The following CERS6 variants were observed in gnomAD, a reference collection of about 807,000 sequenced individuals.
CERS6 encodes ceramide synthase 6, also known as LAG1 homolog, ceramide synthase 6.
In CERS6, 26 loss-of-function variants were observed where a neutral mutation model predicts 56.8. The ratio of observed to expected loss-of-function variants is 0.46; its 90% confidence interval spans 0.34 to 0.63. The LOEUF (loss-of-function observed/expected upper bound fraction) is 0.63, where lower values mean the gene tolerates loss of function less well. Among genes scored for constraint, CERS6 ranks in the 30% least tolerant of loss-of-function variants. The pLI is 0.01. For synonymous variants in CERS6, 164 were observed against 173.3 expected (o/e 0.95, Z 0.42); for missense variants, 415 against 467.5 (o/e 0.89, Z 1.04).
chr2:168,534,590 G>A (rs1695225806), intron 1 of CERS6, among the ~76,000 whole-genome samples: 1 of 152,146 alleles, frequency 6.6e-6, no homozygotes, highest in Non-Finnish European at 1.5e-5. Flanking sequence ...CAGCAAGGAT[G>A]GGTGCCTGCT....
At chr2:168,604,213 T>C (rs1187290453) in intron 3 of CERS6, among the ~76,000 whole-genome samples, 1 of 152,248 alleles carries the variant, frequency 6.6e-6, no homozygotes, top group Admixed American at 6.5e-5. Context: ...CCTGGCTGAC[T>C]TGAAAATTAT....
At chr2:168,600,148 G>T (rs1683897277) in intron 3 of CERS6, among the ~76,000 whole-genome samples, 1 of 150,626 alleles carries the variant, frequency 6.6e-6, no homozygotes, top group Non-Finnish European at 1.5e-5. Context: ...CTGCTTAGTC[G>T]TGGGTAAACT....
chr2:168,467,457 A>G (rs1165702283), intron 1 of CERS6, among the ~76,000 whole-genome samples: 1 of 152,194 alleles, frequency 6.6e-6, no homozygotes, highest in South Asian at 2.1e-4. Flanking sequence ...ACATCTTTGC[A>G]TGGATAGACT....
At chr2:168,570,412 A>G (rs1304599101) in intron 3 of CERS6, among the ~76,000 whole-genome samples, 1 of 152,190 alleles carries the variant, frequency 6.6e-6, no homozygotes, top group East Asian at 1.9e-4. Flanking sequence ...AAATGTCAGA[A>G]TACACAGTGA....
chr2:168,752,915 T>C (rs1438835563), intron 8 of CERS6, among the ~76,000 whole-genome samples: 1 of 152,190 alleles, frequency 6.6e-6, no homozygotes, highest in Non-Finnish European at 1.5e-5. Flanking sequence ...TTTTGCTCGT[T>C]GTTAGGTTAA....
intron 7 of CERS6, 146 bp from the exon 8 acceptor site, chr2:168,717,725 AT>A (rs1486167993): frequency 5.2e-6 from 3 of 579,424 alleles, no homozygotes; most frequent in Non-Finnish European, 9.1e-6. Flanking sequence ...GATGTATGAC[AT>A]TTCAATCGCA....
intron 4 of CERS6, among the ~76,000 whole-genome samples, chr2:168,653,701 T>C (rs1685399823): frequency 6.6e-6 from 1 of 152,240 alleles, no homozygotes. Flanking sequence ...TTGTATGGAC[T>C]GCTGCAGCAG....
At chr2:168,540,204 G>A (rs1404213077) in intron 1 of CERS6, among the ~76,000 whole-genome samples, 2 of 151,672 alleles carry the variant, frequency 1.3e-5, no homozygotes, top group East Asian at 1.9e-4. Context: ...TAACATTTCA[G>A]TTAATTATGG....
chr2:168,494,802 C>G (rs915880637), intron 1 of CERS6, among the ~76,000 whole-genome samples: 3 of 152,122 alleles, frequency 2.0e-5, no homozygotes, highest in African/African-American at 7.2e-5. Context: ...CATTCTCCCC[C>G]TAGTGACCTC....
intron 3 of CERS6, among the ~76,000 whole-genome samples, chr2:168,621,310 T>TAGATCAATA (rs1303668467): frequency 1.3e-5 from 2 of 152,228 alleles, no homozygotes; most frequent in Non-Finnish European, 2.9e-5. Flanking sequence ...CTGAATTTAA[T>TAGATCAATA]TTTGGCCACA....
chr2:168,670,161 C>T (rs1481725814), intron 4 of CERS6, among the ~76,000 whole-genome samples: 1 of 152,132 alleles, frequency 6.6e-6, no homozygotes, highest in African/African-American at 2.4e-5. Context: ...GGATAATCAC[C>T]ATGGCTATCT....
chr2:168,724,954 ACT>A (rs1451670744), intron 8 of CERS6, among the ~76,000 whole-genome samples: 2 of 151,918 alleles, frequency 1.3e-5, no homozygotes, highest in African/African-American at 4.8e-5. Context: ...AGGGGGTGGC[ACT>A]CGTCGTGGAG....
At chr2:168,612,904 G>A (rs1047785768) in intron 3 of CERS6, among the ~76,000 whole-genome samples, 1 of 152,194 alleles carries the variant, frequency 6.6e-6, no homozygotes, top group African/African-American at 2.4e-5. Context: ...TGACTGCTCT[G>A]TCATGATTAA....
At chr2:168,734,291 G>A (rs944208773) in intron 8 of CERS6, among the ~76,000 whole-genome samples, 2 of 152,184 alleles carry the variant, frequency 1.3e-5, no homozygotes, top group Non-Finnish European at 2.9e-5. Flanking sequence ...TTGGCTGGGA[G>A]ATGCCCAGGA....
At chr2:168,722,144 G>A (rs762509868) in intron 8 of CERS6, among the ~76,000 whole-genome samples, 2 of 152,062 alleles carry the variant, frequency 1.3e-5, no homozygotes, top group Non-Finnish European at 2.9e-5. Context: ...GTTTATGCAC[G>A]ATTATATATC....
At position 168,456,318 on chromosome 2, in the gene CERS6, C is replaced by G; in HGVS notation, c.-131C>G. ...AGAGCAGCGGCCGCGGAGGAGGCGG[C>G]GGCGGCGGGCGGGAGCAGCGGCGGC... On this transcript the variant is annotated 5_prime_UTR_variant, in exon 1 of 10. Coordinates refer to ENST00000305747, the MANE Select transcript of CERS6 (RefSeq NM_203463.3). This position sits in a 1 kb window ranked among gnomAD's most constrained non-coding sequence, Gnocchi z 4.1. 1 of 400,786 alleles carries G rather than the reference C, an allele frequency of 2.5e-6. No individual in the cohort carries two copies. Among genetic ancestry groups the G allele is most frequent in the Non-Finnish European group, 3.7e-6 (1 of 271,604 alleles). 24.8% of individuals were successfully genotyped at this position (400,786 alleles called of 1,614,324 possible).
intron 1 of CERS6, among the ~76,000 whole-genome samples, chr2:168,509,552 G>T (rs148317157): frequency 1.1e-3 from 171 of 152,306 alleles, no homozygotes; most frequent in African/African-American, 3.9e-3. Flanking sequence ...GGCACTGGGA[G>T]AAACTTGTGT....
intron 4 of CERS6, among the ~76,000 whole-genome samples, chr2:168,657,494 A>T (rs963614622): frequency 1.7e-4 from 26 of 152,158 alleles, no homozygotes; most frequent in Admixed American, 3.3e-4. Context: ...CAGGGGGTGG[A>T]GCTCGTCGGG....
intron 3 of CERS6, among the ~76,000 whole-genome samples, chr2:168,607,639 C>G (rs1290977377): frequency 6.6e-6 from 1 of 152,146 alleles, no homozygotes; most frequent in Non-Finnish European, 1.5e-5. Context: ...CTCGGCCTTC[C>G]AAAGTGCTGG....
Sources: gnomAD v4.1 joint callset for allele counts (sites outside exome capture counted in the v4.1 genomes callset) on GRCh38, gnomAD v4.1.1 for gene constraint, Gnocchi (gnomAD v3.1) non-coding constraint, MANE v1.5 for transcripts, NCBI Gene and HGNC (gene_info 2026-07-23, HGNC 2026-07-21) for gene names.